The following CACNA1D variants were observed in gnomAD, a reference collection of about 807,000 sequenced individuals.
CACNA1D encodes voltage-dependent L-type calcium channel subunit alpha-1D.
CACNA1D carries 55 observed loss-of-function variants against 257.1 expected under a neutral mutation model. The observed-to-expected ratio is 0.21, with a 90% confidence interval of 0.17 to 0.27. The LOEUF is 0.27. Ranked by LOEUF, CACNA1D falls within the 10% of genes least tolerant of loss-of-function variation. CACNA1D has a pLI of 1.00. For synonymous variants in CACNA1D, 980 were observed against 1,014.9 expected, an observed-to-expected ratio of 0.97 and a Z score of 0.65; for missense variants, 1,876 against 2,784.0, an observed-to-expected ratio of 0.67 and a Z score of 7.34.
chr3:53,785,960 C>T (rs1203698936), intron 39 of CACNA1D: 4 of 152,294 alleles, frequency 2.6e-5, no homozygotes, highest in East Asian at 1.9e-4. Flanking sequence ...CTAAAGTGGT[C>T]ACAAGCTTTA....
intron 3 of CACNA1D, among the ~76,000 whole-genome samples, chr3:53,538,528 T>G (rs1026875028): frequency 3.3e-5 from 5 of 152,218 alleles, no homozygotes; most frequent in Non-Finnish European, 7.3e-5. Flanking sequence ...GTTTTTGTAA[T>G]TTTTAAAAGT....
At chr3:53,681,496 C>A (rs1490409869) in intron 8 of CACNA1D, among the ~76,000 whole-genome samples, 2 of 152,080 alleles carry the variant, frequency 1.3e-5, no homozygotes, top group Non-Finnish European at 2.9e-5. Flanking sequence ...TCAGTTCCTA[C>A]ACAGTGGTAG....
rs57956658 is a variant in CACNA1D at position 53,672,758 on chromosome 3, CTGTGTGTG to C, written c.1117-211_1117-204del. Among the ~76,000 whole-genome samples, 7,059 of 95,054 alleles carry C rather than the reference CTGTGTGTG, an allele frequency of 0.074. 283 individuals carry two copies. Among genetic ancestry groups the C allele is most frequent in the Middle Eastern group, 0.12 (21 of 176 alleles). 62.4% of individuals were successfully genotyped at this position (95,054 alleles called of 152,430 possible). ...ATTCGGCCTGAAAGCCTTGATGACT[CTGTGTGTG>C]TGTGTGTGTGTGTGTGTGTGTGTGT... On this transcript the variant is annotated intron_variant, in intron 7 of 47. Transcript: ENST00000350061.
intron 14 of CACNA1D, among the ~76,000 whole-genome samples, chr3:53,726,544 G>A (rs1419192344): frequency 6.6e-6 from 1 of 152,188 alleles, no homozygotes; most frequent in East Asian, 1.9e-4. Context: ...GGCTGAGGCA[G>A]GAGAGTTGCT....
Position 53,693,522 on chromosome 3 carries a change from C to T in CACNA1D, c.1221-9119C>T, listed in dbSNP as rs544807786. 4.0e-5 allele frequency among the ~76,000 whole-genome samples: 6 copies of T among 148,492 alleles called. No individual in the cohort carries two copies. In the South Asian group the frequency reaches 1.3e-3, roughly 31 times the overall value. ...CTTGAACAGAAACTGAACCTTTATG[C>T]TTTCCAAGAAGTTATATTTAAACAA... On this transcript the variant is annotated intron_variant, in intron 8 of 47. Transcript: ENST00000350061.
At position 53,565,051 on chromosome 3, in the gene CACNA1D, C is replaced by T. The variant is rs199598842; in HGVS notation, c.483+63331C>T. Among the ~76,000 whole-genome samples, 4 of 152,102 alleles carry T rather than the reference C, an allele frequency of 2.6e-5. 1 individual carries two copies. Among genetic ancestry groups the T allele is most frequent in the South Asian group, 4.1e-4 (2 of 4,832 alleles). On this transcript the variant is annotated intron_variant, in intron 3 of 47. Coordinates refer to ENST00000350061, the MANE Select transcript of CACNA1D (RefSeq NM_001128840.3). ...TTTTCCATGTGGATTATCAGTGTTT[C>T]AGCACAGATTACTTAAAGTCTAACC...
intron 3 of CACNA1D, among the ~76,000 whole-genome samples, chr3:53,626,986 G>A (rs1405998246): frequency 6.6e-6 from 1 of 152,222 alleles, no homozygotes; most frequent in Non-Finnish European, 1.5e-5. Flanking sequence ...CTCCATTAGT[G>A]AGAAGGAGGC....
chr3:53,588,297 C>G (rs1267054984), intron 3 of CACNA1D, among the ~76,000 whole-genome samples: 1 of 152,182 alleles, frequency 6.6e-6, no homozygotes, highest in Non-Finnish European at 1.5e-5. Flanking sequence ...GACTCACTCA[C>G]CAGTGTTTGC....
chr3:53,607,880 A>C (rs1209125991), intron 3 of CACNA1D, among the ~76,000 whole-genome samples: 1 of 152,146 alleles, frequency 6.6e-6, no homozygotes, highest in Non-Finnish European at 1.5e-5. Context: ...TTCCTATTGG[A>C]CTGTATGTCT....
intron 3 of CACNA1D, among the ~76,000 whole-genome samples, chr3:53,523,115 G>T (rs1383163687): frequency 6.6e-6 from 1 of 152,216 alleles, no homozygotes; most frequent in Non-Finnish European, 1.5e-5. Context: ...GGTGTTTTGG[G>T]TGGGTACTTC....
rs899124379 is a variant in CACNA1D, at chr3:53,614,149, A to G, written c.484-36630A>G. Among the ~76,000 whole-genome samples, 24 of 148,404 alleles carry G rather than the reference A, an allele frequency of 1.6e-4. No individual in the cohort carries two copies. In the East Asian group the frequency reaches 1.8e-3, roughly 11 times the overall value. ...CTCAAAAAAAAAAAAAAAAAGAGAGACAAGAAAGTACCCTTAGGGCTGAGA... is the reference window on the plus strand; with the variant it reads ...CTCAAAAAAAAAAAAAAAAAGAGAGGCAAGAAAGTACCCTTAGGGCTGAGA... On this transcript the variant is annotated intron_variant, in intron 3 of 47. Transcript: ENST00000350061.
chr3:53,665,923 A>G lies in CACNA1D; in HGVS notation c.919+111A>G, dbSNP rs898049871. 2.1e-5 allele frequency: 17 copies of G among 801,406 alleles called. No homozygotes were observed. In the Middle Eastern group the frequency reaches 1.4e-3, roughly 65 times the overall value. The allele number at this position is 801,406 out of a possible 1,614,324, so 49.6% of individuals were successfully genotyped here. On this transcript the variant is annotated intron_variant, in intron 6 of 47. Coordinates refer to ENST00000350061, the MANE Select transcript of CACNA1D (RefSeq NM_001128840.3). ...AACAAAATAGGAAAAAAAATGCCCA[A>G]TATACCAGCACATTTACTGAGCCAG... is the stretch of plus-strand genomic sequence containing the variant.
chr3:53,812,409 A>C lies in CACNA1D; in HGVS notation c.*1003A>C, dbSNP rs1268962640. 1 of 152,246 alleles carries C rather than the reference A, an allele frequency of 6.6e-6. No homozygotes were observed. The highest frequency in any genetic ancestry group is 2.4e-5 in the African/African-American group (1 of 41,470). The allele number at this position is 152,246 out of a possible 1,614,324, so 9.4% of individuals were successfully genotyped here. A position where few individuals can be genotyped will look rare whatever the true frequency, so the allele number is the denominator to read the frequency against. ...TAAGTTTGAAAGAACTTGACACTACAGAAATTTTTCTAAAATATTTTGAGT... is the reference window on the plus strand; with the variant it reads ...TAAGTTTGAAAGAACTTGACACTACCGAAATTTTTCTAAAATATTTTGAGT... On this transcript the variant is annotated 3_prime_UTR_variant, in exon 48 of 48. Coordinates refer to ENST00000350061, the MANE Select transcript of CACNA1D (RefSeq NM_001128840.3).
chr3:53,650,975 G>GT, intron 4 of CACNA1D, 57 bp downstream of exon 4: 1 of 1,456,732 alleles, frequency 6.9e-7, no homozygotes, highest in Non-Finnish European at 9.6e-7. Flanking sequence ...GTGGAGGTTG[G>GT]GGGGGGTGGT....
chr3:53,546,897 A>G (rs79249345), intron 3 of CACNA1D, among the ~76,000 whole-genome samples: 1,626 of 152,348 alleles, frequency 0.011, 31 homozygotes, highest in African/African-American at 0.037. Flanking sequence ...ACAGCCTAGT[A>G]TACAACATGG....
chr3:53,688,085 G>A (rs951898625), intron 8 of CACNA1D, among the ~76,000 whole-genome samples: 2 of 152,200 alleles, frequency 1.3e-5, no homozygotes, highest in African/African-American at 4.8e-5. Flanking sequence ...TCTAGTATTT[G>A]CCCAAGAGAA....
At chr3:53,619,221 G>T (rs2093669663) in intron 3 of CACNA1D, among the ~76,000 whole-genome samples, 1 of 152,330 alleles carries the variant, frequency 6.6e-6, no homozygotes, top group Non-Finnish European at 1.5e-5. Context: ...CATGGACTGA[G>T]CCTCAGTAGA....
At chr3:53,664,044 G>A (rs1472983212) in intron 5 of CACNA1D, among the ~76,000 whole-genome samples, 1 of 152,168 alleles carries the variant, frequency 6.6e-6, no homozygotes, top group Non-Finnish European at 1.5e-5. Context: ...GGGATTACAG[G>A]CGTGAGCTAC....
At chr3:53,538,138 GA>G (rs1173220099) in intron 3 of CACNA1D, among the ~76,000 whole-genome samples, 1 of 122,550 alleles carries the variant, frequency 8.2e-6, no homozygotes, top group Non-Finnish European at 1.6e-5. Context: ...ACCAGTTTTT[GA>G]AGTTTTTTTT....
Sources: allele counts gnomAD v4.1 joint callset (sites outside exome capture counted in the v4.1 genomes callset), GRCh38; gene constraint gnomAD v4.1.1; transcripts MANE v1.5; gene names NCBI Gene and HGNC (gene_info 2026-07-23, HGNC 2026-07-21).